CUL3: variants seen among roughly 807,000 people sequenced by gnomAD.
CUL3 encodes the protein cullin 3, also known as cullin-3.
CUL3 carries 19 observed loss-of-function variants against 89.1 expected under a neutral mutation model. The observed-to-expected ratio is 0.21, with a 90% confidence interval of 0.15 to 0.31. The LOEUF is 0.31. Among genes scored for constraint, CUL3 ranks in the 10% least tolerant of loss-of-function variants. The pLI, the probability that CUL3 is intolerant of heterozygous loss-of-function variation, is 1.00. For synonymous variants in CUL3, 351 were observed against 308.4 expected, an observed-to-expected ratio of 1.14 and a Z score of -1.45; for missense variants, 469 against 942.3, an observed-to-expected ratio of 0.50 and a Z score of 6.58.
intron 1 of CUL3, among the ~76,000 whole-genome samples, chr2:224,571,697 C>T (rs1462228641): frequency 6.6e-6 from 1 of 152,184 alleles, no homozygotes; most frequent in Non-Finnish European, 1.5e-5. Flanking sequence ...CCCACTGCTT[C>T]ACATTAGAAC....
chr2:224,514,494 T>A (rs1325099732), intron 4 of CUL3, 118 bp downstream of exon 4: 1 of 806,424 alleles, frequency 1.2e-6, no homozygotes, highest in Non-Finnish European at 1.8e-6. Flanking sequence ...TTCTGAGGAT[T>A]TTCCCAATGT....
intron 7 of CUL3, 45 bp downstream of exon 7, chr2:224,506,813 A>G (rs1188315514): frequency 1.3e-6 from 2 of 1,596,592 alleles, no homozygotes; most frequent in South Asian, 2.3e-5. Context: ...GCACTTGTCA[A>G]AATGCCTTTA....
At chr2:224,530,194 G>A (rs570445231) in intron 3 of CUL3, among the ~76,000 whole-genome samples, 13 of 152,224 alleles carry the variant, frequency 8.5e-5, no homozygotes, top group South Asian at 2.1e-4. Context: ...AGCCAAGATC[G>A]CGCCACTGCA....
In CUL3 at chr2:224,535,429, CA is replaced by C; in HGVS notation, c.378+98del. 4.0e-6 allele frequency: 3 copies of C among 750,094 alleles called. No individual in the cohort carries two copies. The South Asian group carries it at 5.5e-5, about 14-fold the overall frequency. 46.5% of individuals were successfully genotyped at this position (750,094 alleles called of 1,614,324 possible). ...AAATGATATGCCCACCTTGGCCTCC[CA>C]AAGTGCTGGGATTACAGGCGTGAGC... On this transcript the variant is annotated intron_variant, in intron 3 of 15. Coordinates refer to ENST00000264414, the MANE Select transcript of CUL3 (RefSeq NM_003590.5).
At chr2:224,495,761 TAAG>T in intron 13 of CUL3, 68 bp downstream of exon 13, 2 of 1,333,060 alleles carry the variant, frequency 1.5e-6, no homozygotes, top group Non-Finnish European at 2.1e-6. Context: ...GTTATTCAAA[TAAG>T]AAAGACTCAA....
chr2:224,524,718 G>A (rs1298820763), intron 3 of CUL3, among the ~76,000 whole-genome samples: 1 of 151,994 alleles, frequency 6.6e-6, no homozygotes, highest in African/African-American at 2.4e-5. Flanking sequence ...GTATCATGCA[G>A]GGCCTCCACA....
intron 3 of CUL3, among the ~76,000 whole-genome samples, chr2:224,521,486 A>T (rs1693259808): frequency 6.7e-6 from 1 of 149,606 alleles, no homozygotes; most frequent in Admixed American, 6.7e-5. Flanking sequence ...GCTGGAGTGC[A>T]GTGGCACGAT....
At chr2:224,573,017 T>C (rs925400570) in intron 1 of CUL3, among the ~76,000 whole-genome samples, 3 of 152,222 alleles carry the variant, frequency 2.0e-5, no homozygotes. Flanking sequence ...AAAATTAAAA[T>C]ACTAACACAA....
At chr2:224,537,748 A>G (rs532556806) in intron 2 of CUL3, among the ~76,000 whole-genome samples, 1 of 152,312 alleles carries the variant, frequency 6.6e-6, no homozygotes, top group Non-Finnish European at 1.5e-5. Flanking sequence ...ATTATTCTTA[A>G]GGACTTATAT....
intron 1 of CUL3, 27 bp from the exon 2 acceptor site, chr2:224,557,883 C>CGAAA: frequency 9.1e-6 from 1 of 110,388 alleles, no homozygotes; most frequent in Non-Finnish European, 1.6e-5. Flanking sequence ...AGAGAAGAGA[C>CGAAA]AAAAAAAAAA....
intron 3 of CUL3, among the ~76,000 whole-genome samples, chr2:224,517,160 A>T (rs1693084925): frequency 6.6e-6 from 1 of 152,204 alleles, no homozygotes; most frequent in African/African-American, 2.4e-5. Context: ...TCTACATATA[A>T]GTATATATTG....
chr2:224,514,986 C>T (rs1441875611), intron 3 of CUL3, among the ~76,000 whole-genome samples: 1 of 152,014 alleles, frequency 6.6e-6, no homozygotes, highest in Non-Finnish European at 1.5e-5. Flanking sequence ...TAAATGGTGG[C>T]CCATTTACCT....
intron 2 of CUL3, among the ~76,000 whole-genome samples, chr2:224,537,945 T>TA (rs997686693): frequency 8.5e-5 from 13 of 152,064 alleles, no homozygotes; most frequent in African/African-American, 3.1e-4. Context: ...GTACATTTTA[T>TA]AAAAAAATAT....
rs16866046 is a variant in CUL3, at chr2:224,562,173, T to A, written c.67-4317A>T. Among the ~76,000 whole-genome samples, 1,257 of 152,136 alleles carry A rather than the reference T, an allele frequency of 8.3e-3. 10 individuals carry two copies. Among genetic ancestry groups the A allele is most frequent in the African/African-American group, 0.029 (1,199 of 41,514 alleles). On this transcript the variant is annotated intron_variant, in intron 1 of 15. Transcript: ENST00000264414. Reference sequence around the variant, plus strand: ...TTGTAAAAGTACTCTCACATTATTATAACATAACCATTTTCACATATATAC... The same window carrying A: ...TTGTAAAAGTACTCTCACATTATTAAAACATAACCATTTTCACATATATAC...
Position 224,541,112 on chromosome 2 carries a change from G to A in CUL3, c.265-5471C>T, listed in dbSNP as rs77861678. On this transcript the variant is annotated intron_variant, in intron 2 of 15. Coordinates refer to ENST00000264414, the MANE Select transcript of CUL3 (RefSeq NM_003590.5). ...TTTATAAAAGAAAAAATGCTAAACTGGACTCTACTGAAATTAAAAACTTTT... is the reference window on the plus strand; with the variant it reads ...TTTATAAAAGAAAAAATGCTAAACTAGACTCTACTGAAATTAAAAACTTTT... Among the ~76,000 whole-genome samples, 959 of 151,472 alleles carry A rather than the reference G, an allele frequency of 6.3e-3. 12 individuals carry two copies. The highest frequency in any genetic ancestry group is 0.022 in the African/African-American group (909 of 41,312).
Position 224,474,222 on chromosome 2 carries a change from T to C in CUL3, c.*23A>G, listed in dbSNP as rs1691234188. 2 of 1,610,552 alleles carry C rather than the reference T, an allele frequency of 1.2e-6. No homozygotes were observed. The highest frequency in any genetic ancestry group is 2.7e-5 in the African/African-American group (2 of 74,880). On this transcript the variant is annotated 3_prime_UTR_variant, in exon 16 of 16. Transcript: ENST00000264414. ...CCATGCGAAGAGTACAGTCCAAGAA[T>C]AAATCAAATTTCTGAACGCATTTTA...
At chr2:224,501,723 G>A (rs1335713948) in intron 10 of CUL3, among the ~76,000 whole-genome samples, 1 of 152,170 alleles carries the variant, frequency 6.6e-6, no homozygotes, top group Non-Finnish European at 1.5e-5. Context: ...TGTACTGGGG[G>A]AGGTGGAGAA....
At chr2:224,572,289 T>A (rs1159044863) in intron 1 of CUL3, among the ~76,000 whole-genome samples, 2 of 152,114 alleles carry the variant, frequency 1.3e-5, no homozygotes, top group African/African-American at 4.8e-5. Context: ...CTGCCACGGT[T>A]TGAATGCCTG....
rs111719625 is a variant in CUL3, at chr2:224,567,236, T to A, written c.67-9380A>T. 2.2e-3 allele frequency among the ~76,000 whole-genome samples: 333 copies of A among 152,316 alleles called. 3 individuals carry two copies. The highest frequency in any genetic ancestry group is 7.2e-3 in the African/African-American group (301 of 41,578). The stretch of plus-strand genomic sequence containing the variant: ...TTTCTCTTTGTTTTCGTTTTTGTTT[T>A]AGACAGGGTCTTCTTCTGTCACCAA... On this transcript the variant is annotated intron_variant, in intron 1 of 15. Transcript: ENST00000264414.
Sources: gnomAD v4.1 joint callset for allele counts (sites outside exome capture counted in the v4.1 genomes callset) on GRCh38, gnomAD v4.1.1 for gene constraint, MANE v1.5 for transcripts, NCBI Gene and HGNC (gene_info 2026-07-23, HGNC 2026-07-21) for gene names.